The following DPYSL2 variants were observed in gnomAD, a reference collection of about 807,000 sequenced individuals.
DPYSL2 encodes the protein dihydropyrimidinase-related protein 2.
Under a neutral mutation model 69.9 loss-of-function variants are expected in DPYSL2, and 13 were observed. The ratio of observed to expected loss-of-function variants is 0.19; its 90% CI spans 0.12 to 0.30. The LOEUF is 0.30. Ranked by LOEUF, DPYSL2 falls within the 10% of genes least tolerant of loss-of-function variation. The pLI is 1.00. For missense variants in DPYSL2, 587 were observed against 918.9 expected (o/e 0.64, Z 4.67); for synonymous variants, 326 against 359.1 (o/e 0.91, Z 1.04).
chr8:26,555,869 A>G (rs990677940), intron 1 of DPYSL2, among the ~76,000 whole-genome samples: 2 of 146,170 alleles, frequency 1.4e-5, no homozygotes, highest in Non-Finnish European at 3.0e-5. Context: ...TGAAAAAAAA[A>G]TTATATATAT....
rs1019924586 is a variant in DPYSL2, at chr8:26,610,327, A to G, written c.629-13816A>G. Among the ~76,000 whole-genome samples, 1 of 152,190 alleles carries G rather than the reference A, an allele frequency of 6.6e-6. No homozygotes were observed. The highest frequency in any genetic ancestry group is 1.5e-5 in the Non-Finnish European group (1 of 68,040). On this transcript the variant is annotated intron_variant, in intron 3 of 13. Coordinates refer to ENST00000521913, the MANE Select transcript of DPYSL2 (RefSeq NM_001197293.3). This position sits in a 1 kb window ranked among gnomAD's most constrained non-coding sequence, Gnocchi z 4.5. ...TCTGTTGGGATACAGTCCATTTGAT[A>G]GGAAGGTTGTTTACATCACAGTGTC...
At chr8:26,537,611 T>TCTACACACACACACAC (rs141281802) in intron 1 of DPYSL2, among the ~76,000 whole-genome samples, 3 of 147,546 alleles carry the variant, frequency 2.0e-5, no homozygotes, top group Non-Finnish European at 4.5e-5. Flanking sequence ...ATTCTCTCTC[T>TCTACACACACACACAC]ACACACACAC....
chr8:26,593,320 C>T lies in DPYSL2; in HGVS notation c.628+9337C>T, dbSNP rs959659439. On this transcript the variant is annotated intron_variant, in intron 3 of 13. Coordinates refer to ENST00000521913, the MANE Select transcript of DPYSL2 (RefSeq NM_001197293.3). The surrounding 1 kb of genome is among the most constrained non-coding windows in gnomAD (Gnocchi z 5.7). Reference sequence around the variant, plus strand: ...GACCAGACCTTCTGACTTAATTGTTCTAGGTGGGCCTGGCATTGGTCGTTT... The same window carrying T: ...GACCAGACCTTCTGACTTAATTGTTTTAGGTGGGCCTGGCATTGGTCGTTT... Among the ~76,000 whole-genome samples, 3 of 152,256 alleles carry T rather than the reference C, an allele frequency of 2.0e-5. No individual in the cohort carries two copies. The East Asian group carries it at 5.8e-4, about 29-fold the overall frequency.
At chr8:26,537,552 C>T (rs551482300) in intron 1 of DPYSL2, among the ~76,000 whole-genome samples, 18 of 151,624 alleles carry the variant, frequency 1.2e-4, no homozygotes, top group African/African-American at 4.4e-4. Context: ...GTAGACCTTT[C>T]ACCTAGTTTC....
In DPYSL2 at chr8:26,627,581, G is replaced by A. The variant is rs1200949844; in HGVS notation, c.936+286G>A. 2.0e-5 allele frequency among the ~76,000 whole-genome samples: 3 copies of A among 152,156 alleles called. No homozygotes were observed. The highest frequency in any genetic ancestry group is 4.8e-5 in the African/African-American group (2 of 41,422). ...TTGGGTGGGGTACGGGAACCCTCAC[G>A]TCACACACAGGCATTTTACACCGTG... On this transcript the variant is annotated intron_variant, in intron 6 of 13. Transcript: ENST00000521913. The surrounding 1 kb of genome is among the most constrained non-coding windows in gnomAD (Gnocchi z 6.9).
intron 10 of DPYSL2, among the ~76,000 whole-genome samples, chr8:26,645,635 C>T (rs946101049): frequency 1.3e-5 from 2 of 152,090 alleles, no homozygotes; most frequent in Non-Finnish European, 2.9e-5. Context: ...CTGCAACCTC[C>T]GTCTCCCGGG....
intron 1 of DPYSL2, 111 bp from the exon 2 acceptor site, chr8:26,581,858 A>G: frequency 1.2e-6 from 1 of 852,672 alleles, no homozygotes; most frequent in Non-Finnish European, 1.9e-6. Context: ...AAATGGGCTT[A>G]TTTTGAACAT....
At chr8:26,589,759 G>T (rs1201999524) in intron 3 of DPYSL2, among the ~76,000 whole-genome samples, 1 of 152,252 alleles carries the variant, frequency 6.6e-6, no homozygotes, top group African/African-American at 2.4e-5. Context: ...TTCTTCAGAA[G>T]AGGGTGGGAA....
intron 3 of DPYSL2, among the ~76,000 whole-genome samples, chr8:26,612,706 T>G (rs7011131): frequency 0.17 from 26,287 of 152,258 alleles, 2,373 homozygotes; most frequent in Middle Eastern, 0.24. Context: ...AGTTACTCAC[T>G]TAAGTTACCC....
chr8:26,600,200 T>C (rs1227402498), intron 3 of DPYSL2, among the ~76,000 whole-genome samples: 2 of 152,254 alleles, frequency 1.3e-5, no homozygotes, highest in African/African-American at 2.4e-5. Context: ...TTTTGGCTAT[T>C]GTGCATGAAT....
chr8:26,531,225 A>G (rs2117611827), intron 1 of DPYSL2, among the ~76,000 whole-genome samples: 1 of 152,136 alleles, frequency 6.6e-6, no homozygotes, highest in East Asian at 1.9e-4. Flanking sequence ...CAAAATAAGG[A>G]AACAGCAGAG....
rs1802871827 is a variant in DPYSL2, at chr8:26,634,911, T to C, written c.1126+11T>C. ...AGGCACGGAAGAAGGGTGAGTGCTGTGGCCGGACTGGCTGATGGCAGGTGG... is the reference window on the plus strand; with the variant it reads ...AGGCACGGAAGAAGGGTGAGTGCTGCGGCCGGACTGGCTGATGGCAGGTGG... On this transcript the variant is annotated intron_variant, in intron 8 of 13. Transcript: ENST00000521913. The C allele has an allele frequency of 1.9e-6, 3 of 1,613,862 alleles. No individual in the cohort carries two copies. The highest frequency in any genetic ancestry group is 1.7e-4 in the Middle Eastern group (1 of 6,060).
At chr8:26,549,681 G>A (rs1423056201) in intron 1 of DPYSL2, among the ~76,000 whole-genome samples, 1 of 152,164 alleles carries the variant, frequency 6.6e-6, no homozygotes, top group East Asian at 1.9e-4. Context: ...GAAGTAAAAA[G>A]CACTTTATAT....
Position 26,619,837 on chromosome 8 carries a change from T to C in DPYSL2, c.629-4306T>C, listed in dbSNP as rs1802440930. On this transcript the variant is annotated intron_variant, in intron 3 of 13. Coordinates refer to ENST00000521913, the MANE Select transcript of DPYSL2 (RefSeq NM_001197293.3). This position sits in a 1 kb window ranked among gnomAD's most constrained non-coding sequence, Gnocchi z 4.8. Reference sequence around the variant, plus strand: ...TTCCAAAGTGCTGGGATTATAGGCATGCGCCACTGCACCTGGCCAGAACCT... The same window carrying C: ...TTCCAAAGTGCTGGGATTATAGGCACGCGCCACTGCACCTGGCCAGAACCT... 6.6e-6 allele frequency: 1 copy of C among 152,452 alleles called. No individual in the cohort carries two copies. Among genetic ancestry groups the C allele is most frequent in the Non-Finnish European group, 1.5e-5 (1 of 68,264 alleles). 9.4% of individuals were successfully genotyped at this position (152,452 alleles called of 1,614,324 possible). A position where few individuals can be genotyped will look rare whatever the true frequency, so the allele number is the denominator to read the frequency against.
At chr8:26,634,275 T>C (rs1382621357) in intron 7 of DPYSL2, among the ~76,000 whole-genome samples, 1 of 152,084 alleles carries the variant, frequency 6.6e-6, no homozygotes, top group Non-Finnish European at 1.5e-5. Context: ...TTCTTTTCTT[T>C]TTCTTTTGAG....
At chr8:26,556,201 CTATA>C (rs1424705134) in intron 1 of DPYSL2, among the ~76,000 whole-genome samples, 1 of 5,384 alleles carries the variant, frequency 1.9e-4, no homozygotes, top group African/African-American at 4.3e-4. Context: ...ATTATATATA[CTATA>C]TATATACTAT....
intron 7 of DPYSL2, among the ~76,000 whole-genome samples, chr8:26,632,016 T>C (rs749936): frequency 0.13 from 20,329 of 152,232 alleles, 1,601 homozygotes; most frequent in Non-Finnish European, 0.18. Context: ...AACTTCTCTG[T>C]AGTTTGGTGA....
chr8:26,595,328 A>C (rs976855937), intron 3 of DPYSL2, among the ~76,000 whole-genome samples: 1 of 152,090 alleles, frequency 6.6e-6, no homozygotes, highest in Non-Finnish European at 1.5e-5. Flanking sequence ...TCCTCCTCCA[A>C]ATAATCTCTG....
rs1272531937 is a variant in DPYSL2, at chr8:26,514,636, G to T, written c.311G>T (p.Arg104Leu). The T allele has an allele frequency of 6.8e-7, 1 of 1,466,902 alleles. No individual in the cohort carries two copies. The highest frequency in any genetic ancestry group is 2.4e-5 in the Admixed American group (1 of 41,700). 90.9% of individuals were successfully genotyped at this position (1,466,902 alleles called of 1,614,324 possible). ...SVESGRKVEI[R>L]RASGKEALQN... ...GAATCGGGCCGGAAGGTGGAGATCC[G>T]GAGGGCCTCGGGCAAAGAAGCCCTG... The change falls in exon 1 of 14, where the codon CGG becomes CTG. Residue 104 changes from arginine to leucine, a missense_variant. Arg to Leu is a moderately radical substitution (Grantham distance 102). Around this residue, in one of 3 missense-constraint regions of DPYSL2, gnomAD observed 85 missense variants for 77.7 expected, o/e 1.09. Coordinates refer to ENST00000521913, the MANE Select transcript of DPYSL2 (RefSeq NM_001197293.3). The surrounding 1 kb of genome is among the most constrained non-coding windows in gnomAD (Gnocchi z 8.4).
Sources: allele counts gnomAD v4.1 joint callset (sites outside exome capture counted in the v4.1 genomes callset), GRCh38; gene constraint gnomAD v4.1.1; regional missense constraint gnomAD v4.1.1; non-coding constraint Gnocchi (gnomAD v3.1); transcripts MANE v1.5; gene names NCBI Gene and HGNC (gene_info 2026-07-23, HGNC 2026-07-21).